The following DOCK4 variants were observed in gnomAD, a reference collection of about 807,000 sequenced individuals.
DOCK4 encodes dedicator of cytokinesis protein 4.
Under a neutral mutation model 268.1 loss-of-function variants are expected in DOCK4, and 97 were observed. That is an observed-to-expected ratio of 0.36 (90% CI 0.31 to 0.43). The LOEUF is 0.43. Among genes scored for constraint, DOCK4 ranks in the 20% least tolerant of loss-of-function variants. The pLI is 1.00. For synonymous variants in DOCK4, 954 were observed against 887.2 expected, an observed-to-expected ratio of 1.08 and a Z score of -1.34; for missense variants, 2,145 against 2,455.7, an observed-to-expected ratio of 0.87 and a Z score of 2.67.
chr7:112,168,002 CTG>C (rs1049853180), intron 1 of DOCK4, among the ~76,000 whole-genome samples: 154 of 151,448 alleles, frequency 1.0e-3, no homozygotes, highest in African/African-American at 3.3e-3. Flanking sequence ...AAATTTGAAA[CTG>C]TATCGATTTT....
At chr7:112,148,906 C>A (rs1169722459) in intron 1 of DOCK4, among the ~76,000 whole-genome samples, 1 of 152,064 alleles carries the variant, frequency 6.6e-6, no homozygotes, top group Non-Finnish European at 1.5e-5. Context: ...TAACATGAAC[C>A]CCAACGTTTT....
At chr7:111,933,449 C>T (rs1359082455) in intron 12 of DOCK4, among the ~76,000 whole-genome samples, 7 of 151,444 alleles carry the variant, frequency 4.6e-5, no homozygotes, top group Non-Finnish European at 1.0e-4. Flanking sequence ...CACGCGCCAC[C>T]AGGCCCAGCT....
At chr7:112,126,847 A>G (rs962074228) in intron 1 of DOCK4, among the ~76,000 whole-genome samples, 19 of 152,176 alleles carry the variant, frequency 1.2e-4, no homozygotes, top group South Asian at 1.2e-3. Context: ...ATGCAAATCA[A>G]AACCACAATG....
At chr7:111,946,730 C>T (rs1231854749) in intron 8 of DOCK4, among the ~76,000 whole-genome samples, 3 of 152,108 alleles carry the variant, frequency 2.0e-5, no homozygotes, top group Admixed American at 1.3e-4. Flanking sequence ...TACAGGTGCA[C>T]ACCACCACGC....
At chr7:112,099,501 C>T (rs926992531) in intron 1 of DOCK4, among the ~76,000 whole-genome samples, 6 of 152,164 alleles carry the variant, frequency 3.9e-5, no homozygotes, top group African/African-American at 1.4e-4. Context: ...CATTCAATGC[C>T]TGTCCCCAGT....
At chr7:112,171,238 G>C (rs1345031154) in intron 1 of DOCK4, among the ~76,000 whole-genome samples, 2 of 151,960 alleles carry the variant, frequency 1.3e-5, no homozygotes, top group Non-Finnish European at 2.9e-5. Context: ...CTTTTAAATG[G>C]AAAAATAATT....
chr7:111,845,396 A>G (rs1263781302), intron 24 of DOCK4, among the ~76,000 whole-genome samples: 2 of 152,216 alleles, frequency 1.3e-5, no homozygotes, highest in East Asian at 1.9e-4. Context: ...ATATTAGGAA[A>G]TGGTGTTTGG....
intron 28 of DOCK4, among the ~76,000 whole-genome samples, chr7:111,811,311 C>A (rs952067937): frequency 7.9e-5 from 12 of 151,938 alleles, no homozygotes; most frequent in African/African-American, 2.9e-4. Flanking sequence ...AAACAAAGAA[C>A]CACCATTGAG....
Position 111,872,522 on chromosome 7 carries a change from T to C in DOCK4, c.1787A>G (p.Lys596Arg). Residue 596 changes from lysine (K) to arginine (R), a missense_variant, in exon 18 of 53, where the codon AAG (lysine) becomes AGG (arginine). By Grantham distance (26) the Lys-to-Arg change is conservative. Coordinates refer to ENST00000428084, the MANE Select transcript of DOCK4 (RefSeq NM_001363540.2). Reference protein sequence around the residue: ...DLLKWRTHPDKITGCLSKLKE... With the variant: ...DLLKWRTHPDRITGCLSKLKE... ...TAATTTAGAGAGACAGCCAGTGATCTTGTCTGGGTGGGTTCTCCATTTCAA... is the reference window on the plus strand; with the variant it reads ...TAATTTAGAGAGACAGCCAGTGATCCTGTCTGGGTGGGTTCTCCATTTCAA... The C allele has an allele frequency of 6.2e-7, 1 of 1,604,840 alleles. No individual in the cohort carries two copies. The highest frequency in any genetic ancestry group is 8.5e-7 in the Non-Finnish European group (1 of 1,175,064).
intron 1 of DOCK4, among the ~76,000 whole-genome samples, chr7:112,011,767 A>C (rs1586636835): frequency 2.0e-5 from 3 of 150,862 alleles, no homozygotes; most frequent in African/African-American, 7.3e-5. Context: ...CAAAAAAAAA[A>C]CCTTTAAGTT....
intron 13 of DOCK4, among the ~76,000 whole-genome samples, chr7:111,907,318 G>A (rs141087328): frequency 1.3e-5 from 2 of 152,178 alleles, no homozygotes; most frequent in African/African-American, 4.8e-5. Context: ...AGCAAGCAAG[G>A]GCACATGATG....
chr7:111,784,105 G>T lies in DOCK4; in HGVS notation c.3420C>A (p.Pro1140=), dbSNP rs766984709. ...TGCAAACAATGTCTTACCTAGGATA[G>T]GGACCAAATAGTGGAATTCTAATCC... ...LFNSIIPLFG[P]YPSLLKKIER... Residue 1140 remains proline, a synonymous_variant, in exon 33 of 53, where the codon CCC becomes CCA. Coordinates refer to ENST00000428084, the MANE Select transcript of DOCK4 (RefSeq NM_001363540.2). 6.3e-7 allele frequency: 1 copy of T among 1,579,654 alleles called. No individual in the cohort carries two copies. The highest frequency in any genetic ancestry group is 1.3e-5 in the African/African-American group (1 of 74,812).
chr7:111,752,309 G>A (rs1796711695), intron 42 of DOCK4, among the ~76,000 whole-genome samples: 1 of 152,040 alleles, frequency 6.6e-6, no homozygotes, highest in Non-Finnish European at 1.5e-5. Flanking sequence ...TGGCTGCCAT[G>A]TACAGAGGAG....
intron 1 of DOCK4, among the ~76,000 whole-genome samples, chr7:112,045,236 C>A (rs1413970245): frequency 6.6e-6 from 1 of 152,166 alleles, no homozygotes; most frequent in African/African-American, 2.4e-5. Flanking sequence ...ACACTTTCCC[C>A]CAGATATTTG....
intron 1 of DOCK4, among the ~76,000 whole-genome samples, chr7:112,124,369 TTATGTATAAAGCA>T (rs1197615018): frequency 6.6e-6 from 1 of 152,222 alleles, no homozygotes; most frequent in Admixed American, 6.5e-5. Context: ...TAAGCCATCC[TTATGTATAAAGCA>T]TAAGTGAGAA....
Position 111,901,546 on chromosome 7 carries a change from A to C in DOCK4, c.1317+131T>G, listed in dbSNP as rs1051307004. 1.2e-4 allele frequency: 112 copies of C among 946,278 alleles called. 1 individual carries two copies. Among genetic ancestry groups the C allele is most frequent in the Middle Eastern group, 6.8e-4 (3 of 4,404 alleles). The allele number at this position is 946,278 out of a possible 1,614,324, so 58.6% of individuals were successfully genotyped here. ...AAAACTACACAGGGGTGAAGGAGAA[A>C]AATAAGATAGAAAATAACGCAAATC... is the stretch of plus-strand genomic sequence containing the variant. On this transcript the variant is annotated intron_variant, in intron 14 of 52. Coordinates refer to ENST00000428084, the MANE Select transcript of DOCK4 (RefSeq NM_001363540.2).
intron 6 of DOCK4, among the ~76,000 whole-genome samples, chr7:111,984,731 T>C (rs553113579): frequency 4.7e-4 from 72 of 152,270 alleles, no homozygotes; most frequent in African/African-American, 1.7e-3. Context: ...CTGGAGTGAA[T>C]GGAAACTAGA....
intron 30 of DOCK4, among the ~76,000 whole-genome samples, chr7:111,807,007 CTTT>C (rs1800723847): frequency 6.6e-6 from 1 of 152,162 alleles, no homozygotes; most frequent in Non-Finnish European, 1.5e-5. Context: ...CATGTGACAG[CTTT>C]ATTTAGCAGC....
At chr7:111,871,582 C>G (rs938490164) in intron 20 of DOCK4, among the ~76,000 whole-genome samples, 1 of 152,220 alleles carries the variant, frequency 6.6e-6, no homozygotes, top group Non-Finnish European at 1.5e-5. Context: ...GAATGGATGA[C>G]TTTCAGCAGG....
Sources: gnomAD v4.1 joint callset for allele counts (sites outside exome capture counted in the v4.1 genomes callset) on GRCh38, gnomAD v4.1.1 for gene constraint, MANE v1.5 for transcripts, NCBI Gene and HGNC (gene_info 2026-07-23, HGNC 2026-07-21) for gene names.